Variants in UNC5D observed in about 807,000 individuals in gnomAD.
UNC5D encodes unc-5 netrin receptor D.
In UNC5D, 39 loss-of-function variants were observed where a neutral mutation model predicts 105.4. That is an observed-to-expected ratio of 0.37 (90% CI 0.29 to 0.48). The LOEUF (loss-of-function observed/expected upper bound fraction) is 0.48, where lower values mean the gene tolerates loss of function less well. Among genes scored for constraint, UNC5D ranks in the 20% least tolerant of loss-of-function variants. UNC5D has a pLI of 0.98. For missense variants in UNC5D, 991 were observed against 1,202.4 expected (o/e 0.82, Z 2.60); for synonymous variants, 452 against 450.4 (o/e 1.00, Z -0.04).
chr8:35,437,146 C>A (rs556066637), intron 1 of UNC5D, among the ~76,000 whole-genome samples: 1 of 151,864 alleles, frequency 6.6e-6, no homozygotes, highest in Middle Eastern at 3.2e-3. Flanking sequence ...GCTCATACTT[C>A]GTTATTCTAA....
At chr8:35,722,173 C>T (rs746845309) in intron 8 of UNC5D, 37 bp from the exon 9 acceptor site, 2 of 1,599,976 alleles carry the variant, frequency 1.3e-6, no homozygotes, top group Admixed American at 1.7e-5. Context: ...ACTTTGTGCC[C>T]ATGCTGGTCA....
At chr8:35,752,162 G>C (rs1830313178) in intron 13 of UNC5D, among the ~76,000 whole-genome samples, 1 of 152,100 alleles carries the variant, frequency 6.6e-6, no homozygotes, top group Non-Finnish European at 1.5e-5. Flanking sequence ...TTTTAATCAT[G>C]TAAGATTCAT....
At chr8:35,527,002 A>AG (rs575642485) in intron 1 of UNC5D, among the ~76,000 whole-genome samples, 222 of 152,298 alleles carry the variant, frequency 1.5e-3, no homozygotes, top group African/African-American at 5.1e-3. Context: ...ACATTTTATA[A>AG]GGGGGTTCTC....
chr8:35,522,649 CT>C (rs1379742455), intron 1 of UNC5D, among the ~76,000 whole-genome samples: 1 of 152,128 alleles, frequency 6.6e-6, no homozygotes, highest in Non-Finnish European at 1.5e-5. Flanking sequence ...GAACACTAAC[CT>C]CAATTGTACT....
chr8:35,379,924 C>T (rs1050736306), intron 1 of UNC5D, among the ~76,000 whole-genome samples: 1 of 151,820 alleles, frequency 6.6e-6, no homozygotes, highest in South Asian at 2.1e-4. Flanking sequence ...GCAGCTCCTG[C>T]TTCCATAATG....
chr8:35,615,048 C>G (rs1319410022), intron 4 of UNC5D, among the ~76,000 whole-genome samples: 1 of 127,888 alleles, frequency 7.8e-6, no homozygotes, highest in East Asian at 2.4e-4. Context: ...CCCCCCCCCC[C>G]CGTCCCCCAC....
At chr8:35,458,366 G>T (rs1225760066) in intron 1 of UNC5D, among the ~76,000 whole-genome samples, 1 of 152,126 alleles carries the variant, frequency 6.6e-6, no homozygotes, top group Non-Finnish European at 1.5e-5. Context: ...GGTGGTTCTT[G>T]ACCCTGACAG....
At chr8:35,683,426 A>G (rs1270021556) in intron 4 of UNC5D, 121 bp from the exon 5 acceptor site, 1 of 1,003,940 alleles carries the variant, frequency 1.0e-6, no homozygotes, top group Non-Finnish European at 1.4e-6. Flanking sequence ...GAAACCAATC[A>G]TTGCTGTTGC....
At chr8:35,708,182 G>A (rs1563690514) in intron 8 of UNC5D, among the ~76,000 whole-genome samples, 1 of 152,190 alleles carries the variant, frequency 6.6e-6, no homozygotes, top group Non-Finnish European at 1.5e-5. Flanking sequence ...ATCACTCAGA[G>A]CTCTGCACAG....
chr8:35,572,275 CAAAAA>C (rs58478029), intron 3 of UNC5D, among the ~76,000 whole-genome samples: 15,521 of 72,346 alleles, frequency 0.21, 675 homozygotes, highest in South Asian at 0.37. Flanking sequence ...GCGAGACTGT[CAAAAA>C]AAAAAAAAAA....
At chr8:35,727,672 A>G (rs879495317) in intron 10 of UNC5D, 2 of 152,124 alleles carry the variant, frequency 1.3e-5, no homozygotes, top group Admixed American at 1.3e-4. Context: ...CCGTAATTGA[A>G]TGGTTTTGTT....
rs575706869 is a variant in UNC5D, at chr8:35,705,154, C to T, written c.1085-775C>T. On this transcript the variant is annotated intron_variant, in intron 7 of 16. Coordinates refer to ENST00000404895, the MANE Select transcript of UNC5D (RefSeq NM_080872.4). ...TAATTTTTTACATTTTTAGTAGAGA[C>T]GGGGTTTCACCGTGTTAGCCAGGAT... Among the ~76,000 whole-genome samples the T allele has an allele frequency of 5.4e-4, 82 of 152,094 alleles. 1 individual carries two copies. Among genetic ancestry groups the T allele is most frequent in the Non-Finnish European group, 9.7e-4 (66 of 67,984 alleles).
At chr8:35,311,105 G>C (rs986876549) in intron 1 of UNC5D, among the ~76,000 whole-genome samples, 1 of 152,150 alleles carries the variant, frequency 6.6e-6, no homozygotes, top group Admixed American at 6.6e-5. Context: ...ACAGGTCTTG[G>C]AGCCTAATAC....
intron 1 of UNC5D, 37 bp from the exon 2 acceptor site, chr8:35,549,254 AT>A: frequency 6.2e-7 from 1 of 1,603,800 alleles, no homozygotes; most frequent in Non-Finnish European, 8.5e-7. Flanking sequence ...TGTGCTATCA[AT>A]GTAGGCTGTG....
intron 1 of UNC5D, among the ~76,000 whole-genome samples, chr8:35,268,491 G>A (rs1805048357): frequency 6.6e-6 from 1 of 151,998 alleles, no homozygotes; most frequent in Admixed American, 6.6e-5. Context: ...AACCAAAATA[G>A]TCAAAAGTAC....
chr8:35,269,737 A>G (rs1805145258), intron 1 of UNC5D, among the ~76,000 whole-genome samples: 1 of 152,114 alleles, frequency 6.6e-6, no homozygotes, highest in Non-Finnish European at 1.5e-5. Flanking sequence ...TGTCATCAGT[A>G]CTTTAGTAGT....
chr8:35,520,921 T>C (rs1027449131), intron 1 of UNC5D, among the ~76,000 whole-genome samples: 1 of 152,180 alleles, frequency 6.6e-6, no homozygotes, highest in Non-Finnish European at 1.5e-5. Context: ...AAGTTTTGTT[T>C]GTATAAAATA....
intron 13 of UNC5D, among the ~76,000 whole-genome samples, chr8:35,757,037 A>G (rs918927341): frequency 6.6e-6 from 1 of 152,092 alleles, no homozygotes; most frequent in Non-Finnish European, 1.5e-5. Context: ...AGAATTGCAA[A>G]AAGAGGTTAA....
intron 4 of UNC5D, among the ~76,000 whole-genome samples, chr8:35,641,666 A>T (rs1015223223): frequency 4.6e-5 from 7 of 152,160 alleles, no homozygotes; most frequent in Non-Finnish European, 7.4e-5. Context: ...GGATAGAAAG[A>T]AAAGGATAAA....
Sources: gnomAD v4.1 joint callset for allele counts (sites outside exome capture counted in the v4.1 genomes callset) on GRCh38, gnomAD v4.1.1 for gene constraint, MANE v1.5 for transcripts, NCBI Gene and HGNC (gene_info 2026-07-23, HGNC 2026-07-21) for gene names.